The following TTLL11 variants were observed in gnomAD, a reference collection of about 807,000 sequenced individuals.
TTLL11 encodes tubulin tyrosine ligase like 11.
A neutral mutation model predicts 51.7 loss-of-function variants in TTLL11; 42 were observed. The ratio of observed to expected loss-of-function variants is 0.81; its 90% confidence interval spans 0.64 to 1.05. TTLL11 has a LOEUF of 1.05. Among genes scored for constraint, TTLL11 ranks in the 50% least tolerant of loss-of-function variants. The pLI, the probability that TTLL11 is intolerant of heterozygous loss-of-function variation, is 0.00. For missense variants in TTLL11, 799 were observed against 940.4 expected (o/e 0.85, Z 1.97); for synonymous variants, 381 against 383.5 (o/e 0.99, Z 0.08).
At chr9:122,030,927 C>T (rs73552028) in intron 3 of TTLL11, among the ~76,000 whole-genome samples, 75 of 152,234 alleles carry the variant, frequency 4.9e-4, no homozygotes, top group African/African-American at 1.4e-3. Context: ...GGCAACAGAG[C>T]AACACTCCGT....
At chr9:121,897,921 T>C (rs1839602985) in intron 6 of TTLL11, among the ~76,000 whole-genome samples, 1 of 138,916 alleles carries the variant, frequency 7.2e-6, no homozygotes, top group African/African-American at 2.9e-5. Flanking sequence ...CTTTCTTCTA[T>C]TCTTTTTTTT....
intron 8 of TTLL11, among the ~76,000 whole-genome samples, chr9:121,857,003 A>G (rs1837843300): frequency 6.6e-6 from 1 of 152,204 alleles, no homozygotes; most frequent in African/African-American, 2.4e-5. Context: ...AGGGGCTTGG[A>G]CCAGCCTTGA....
intron 8 of TTLL11, among the ~76,000 whole-genome samples, chr9:121,844,888 G>A (rs1292931300): frequency 1.3e-5 from 2 of 151,914 alleles, no homozygotes; most frequent in Non-Finnish European, 2.9e-5. Flanking sequence ...ATGACAAAAA[G>A]TACAAAATAT....
chr9:122,070,117 A>G (rs1286005214), intron 1 of TTLL11, among the ~76,000 whole-genome samples: 1 of 152,082 alleles, frequency 6.6e-6, no homozygotes, highest in East Asian at 1.9e-4. Context: ...CATGAAGAGC[A>G]ACATATAGAG....
At chr9:121,964,473 T>C (rs1305428319) in intron 6 of TTLL11, among the ~76,000 whole-genome samples, 2 of 152,072 alleles carry the variant, frequency 1.3e-5, no homozygotes, top group East Asian at 3.9e-4. Context: ...AATTTTTATA[T>C]TTTTAGTAGA....
At chr9:121,912,863 G>A (rs1012618252) in intron 6 of TTLL11, among the ~76,000 whole-genome samples, 2 of 151,892 alleles carry the variant, frequency 1.3e-5, no homozygotes, top group Non-Finnish European at 2.9e-5. Flanking sequence ...TTACGTATGA[G>A]GAACATGAGA....
intron 1 of TTLL11, among the ~76,000 whole-genome samples, chr9:122,080,971 A>G (rs1845990386): frequency 6.6e-6 from 1 of 152,238 alleles, no homozygotes; most frequent in Non-Finnish European, 1.5e-5. Context: ...TATGCCCAGA[A>G]GAAATACTGG....
In TTLL11 at chr9:121,825,836, G is replaced by A. The variant is rs536874313; in HGVS notation, c.1841-2957C>T. Among the ~76,000 whole-genome samples the A allele has an allele frequency of 6.6e-5, 10 of 150,938 alleles. No homozygotes were observed. In the South Asian group the frequency reaches 2.1e-3, roughly 32 times the overall value. ...ATATGCATAGAAAACATACAATGAGGGCCAATTTGGAAAAAAAAAAAAAGC... is the reference window on the plus strand; with the variant it reads ...ATATGCATAGAAAACATACAATGAGAGCCAATTTGGAAAAAAAAAAAAAGC... On this transcript the variant is annotated intron_variant, in intron 8 of 8. Coordinates refer to ENST00000321582, the MANE Select transcript of TTLL11 (RefSeq NM_001139442.2).
At chr9:121,971,591 G>A (rs1176146531) in intron 6 of TTLL11, among the ~76,000 whole-genome samples, 24 of 141,190 alleles carry the variant, frequency 1.7e-4, no homozygotes, top group African/African-American at 5.6e-4. Flanking sequence ...CATTGAGAAC[G>A]GGCCAGGATG....
At chr9:121,925,699 T>A (rs947033965) in intron 6 of TTLL11, among the ~76,000 whole-genome samples, 1 of 152,210 alleles carries the variant, frequency 6.6e-6, no homozygotes, top group Non-Finnish European at 1.5e-5. Context: ...CTGGCTGGAC[T>A]GCAAGTCAGC....
chr9:121,998,447 C>T (rs1022684271), intron 3 of TTLL11, among the ~76,000 whole-genome samples: 4 of 151,974 alleles, frequency 2.6e-5, no homozygotes, highest in Admixed American at 1.3e-4. Context: ...CCACCACATT[C>T]GGCTAATTTT....
chr9:121,887,339 T>C lies in TTLL11; in HGVS notation c.1482-16591A>G, dbSNP rs568584233. Among the ~76,000 whole-genome samples the C allele has an allele frequency of 1.2e-3, 180 of 152,262 alleles. 1 individual carries two copies. The highest frequency in any genetic ancestry group is 4.1e-3 in the African/African-American group (171 of 41,556). On this transcript the variant is annotated intron_variant, in intron 6 of 8. Coordinates refer to ENST00000321582, the MANE Select transcript of TTLL11 (RefSeq NM_001139442.2). ...CGGTGAGAGTGGGTGGAGGTAGCGG[T>C]GGCGATTTCTCTGAAATTGGTCCCT...
chr9:122,031,582 A>G, intron 3 of TTLL11, 141 bp downstream of exon 3: 1 of 950,032 alleles, frequency 1.1e-6, no homozygotes, highest in East Asian at 2.7e-5. Flanking sequence ...GATAGCTGCC[A>G]ACACCTACTG....
intron 1 of TTLL11, among the ~76,000 whole-genome samples, chr9:122,042,871 C>G (rs960635421): frequency 1.3e-5 from 2 of 152,146 alleles, no homozygotes; most frequent in Admixed American, 1.3e-4. Flanking sequence ...TCCAACTAAA[C>G]TACATTCTGG....
At chr9:121,936,836 T>G (rs963521138) in intron 6 of TTLL11, among the ~76,000 whole-genome samples, 1 of 152,244 alleles carries the variant, frequency 6.6e-6, no homozygotes, top group African/African-American at 2.4e-5. Flanking sequence ...AACATTTGAC[T>G]ACATCACTAT....
At chr9:121,825,084 C>G (rs907328063) in intron 8 of TTLL11, among the ~76,000 whole-genome samples, 1 of 152,180 alleles carries the variant, frequency 6.6e-6, no homozygotes, top group Non-Finnish European at 1.5e-5. Context: ...TTAATGTAAA[C>G]AGCGGCCTGG....
chr9:122,008,030 G>A (rs917132549), intron 3 of TTLL11, among the ~76,000 whole-genome samples: 1 of 152,126 alleles, frequency 6.6e-6, no homozygotes, highest in Non-Finnish European at 1.5e-5. Context: ...TGGTACTCCT[G>A]CCAAAAATGT....
intron 8 of TTLL11, among the ~76,000 whole-genome samples, chr9:121,829,787 AC>A (rs1836939622): frequency 4.0e-5 from 6 of 151,320 alleles, no homozygotes; most frequent in Non-Finnish European, 7.4e-5. Flanking sequence ...ACACACACAC[AC>A]ACACACACAC....
chr9:122,034,129 A>G (rs1048403457), intron 2 of TTLL11, among the ~76,000 whole-genome samples: 1 of 152,180 alleles, frequency 6.6e-6, no homozygotes, highest in African/African-American at 2.4e-5. Context: ...CTCCTGACCA[A>G]ATAGTGTTGT....
Sources: gnomAD v4.1 joint callset for allele counts (sites outside exome capture counted in the v4.1 genomes callset) on GRCh38, gnomAD v4.1.1 for gene constraint, MANE v1.5 for transcripts, NCBI Gene and HGNC (gene_info 2026-07-23, HGNC 2026-07-21) for gene names.